RSU1: variants seen among roughly 807,000 people sequenced by gnomAD.
The protein encoded by RSU1 is Ras suppressor protein 1, also known as rsu-1.
Under a neutral mutation model 31.1 loss-of-function variants are expected in RSU1, and 26 were observed. The observed-to-expected ratio is 0.84, with a 90% CI of 0.61 to 1.16. The LOEUF is 1.16. RSU1 is among the 50% of genes most tolerant of loss of function. The pLI is 0.00. For synonymous variants in RSU1, 164 were observed against 136.3 expected (o/e 1.20, Z -1.41); for missense variants, 320 against 339.1 (o/e 0.94, Z 0.44).
intron 4 of RSU1, among the ~76,000 whole-genome samples, chr10:16,763,087 T>C (rs1332577129): frequency 6.6e-6 from 1 of 152,120 alleles, no homozygotes; most frequent in Non-Finnish European, 1.5e-5. Flanking sequence ...ACTAGAGCAT[T>C]TAGTGGCTAC....
intron 5 of RSU1, 150 bp downstream of exon 5, chr10:16,754,721 G>A: frequency 1.7e-6 from 1 of 604,526 alleles, no homozygotes; most frequent in South Asian, 2.0e-5. Context: ...ATACTGCTGA[G>A]CTACGAAGGA....
intron 7 of RSU1, chr10:16,722,981 C>T (rs1467648728): frequency 6.7e-6 from 1 of 148,802 alleles, no homozygotes; most frequent in African/African-American, 2.5e-5. Flanking sequence ...TGTATATATA[C>T]ACACATATAC....
chr10:16,771,068 C>T (rs1203112970), intron 3 of RSU1, among the ~76,000 whole-genome samples: 1 of 150,460 alleles, frequency 6.6e-6, no homozygotes, highest in African/African-American at 2.5e-5. Flanking sequence ...TTTTATAAAG[C>T]ATAGAAGGAC....
chr10:16,699,704 G>T (rs549924734), intron 7 of RSU1, among the ~76,000 whole-genome samples: 1 of 152,194 alleles, frequency 6.6e-6, no homozygotes, highest in Non-Finnish European at 1.5e-5. Context: ...AGAAAGTGGT[G>T]CATCTACAGA....
intron 8 of RSU1, among the ~76,000 whole-genome samples, chr10:16,670,981 G>C (rs1378023740): frequency 1.3e-5 from 2 of 152,094 alleles, no homozygotes; most frequent in Non-Finnish European, 2.9e-5. Flanking sequence ...GGTAAGGCTG[G>C]TCTTGAACTC....
chr10:16,688,436 C>A (rs1835478161), intron 8 of RSU1, among the ~76,000 whole-genome samples: 3 of 151,952 alleles, frequency 2.0e-5, no homozygotes. Flanking sequence ...GAAACCCTGT[C>A]TCTACTAAAA....
At chr10:16,638,327 T>C (rs1834381928) in intron 8 of RSU1, among the ~76,000 whole-genome samples, 1 of 152,090 alleles carries the variant, frequency 6.6e-6, no homozygotes, top group Admixed American at 6.5e-5. Flanking sequence ...TGTAGTACCT[T>C]TTAACATCCT....
intron 2 of RSU1, among the ~76,000 whole-genome samples, chr10:16,783,021 C>G (rs1196441340): frequency 6.6e-6 from 1 of 151,924 alleles, no homozygotes; most frequent in African/African-American, 2.4e-5. Flanking sequence ...AATGATTCTC[C>G]TGCCTCAGCC....
At chr10:16,789,276 T>C (rs530331859) in intron 2 of RSU1, among the ~76,000 whole-genome samples, 1 of 152,354 alleles carries the variant, frequency 6.6e-6, no homozygotes, top group African/African-American at 2.4e-5. Flanking sequence ...ACCACTAGAA[T>C]GTATTTTTCT....
At chr10:16,783,558 G>C (rs962170334) in intron 2 of RSU1, among the ~76,000 whole-genome samples, 1 of 151,608 alleles carries the variant, frequency 6.6e-6, no homozygotes, top group Non-Finnish European at 1.5e-5. Context: ...GTTTCACCAT[G>C]TTAGCCAGGA....
intron 7 of RSU1, among the ~76,000 whole-genome samples, chr10:16,720,700 T>C (rs1284751179): frequency 6.6e-6 from 1 of 152,274 alleles, no homozygotes; most frequent in Non-Finnish European, 1.5e-5. Context: ...TATGTGCATA[T>C]GTGCACAGAC....
At chr10:16,704,946 A>C (rs1204314837) in intron 7 of RSU1, among the ~76,000 whole-genome samples, 1 of 152,098 alleles carries the variant, frequency 6.6e-6, no homozygotes, top group African/African-American at 2.4e-5. Context: ...ATTTTGTGCA[A>C]ACACCACTGT....
intron 4 of RSU1, among the ~76,000 whole-genome samples, chr10:16,759,679 TG>T: frequency 6.6e-6 from 1 of 152,266 alleles, no homozygotes; most frequent in East Asian, 1.9e-4. Flanking sequence ...ATCATCAACA[TG>T]GATAATTGTT....
intron 7 of RSU1, among the ~76,000 whole-genome samples, chr10:16,706,940 C>T (rs937317404): frequency 6.6e-6 from 1 of 152,046 alleles, no homozygotes; most frequent in African/African-American, 2.4e-5. Context: ...TTCAAGGATA[C>T]CAACTCTGTT....
At chr10:16,722,851 C>CACATAT (rs1564332446) in intron 7 of RSU1, among the ~76,000 whole-genome samples, 3 of 97,676 alleles carry the variant, frequency 3.1e-5, no homozygotes, top group African/African-American at 6.3e-5. Flanking sequence ...TATATATACA[C>CACATAT]ACATATATAC....
intron 3 of RSU1, among the ~76,000 whole-genome samples, chr10:16,779,919 G>C (rs1285621673): frequency 6.6e-6 from 1 of 152,148 alleles, no homozygotes; most frequent in East Asian, 1.9e-4. Context: ...ACTCAGGATG[G>C]CTTGAAACAG....
intron 7 of RSU1, among the ~76,000 whole-genome samples, chr10:16,751,944 C>T (rs1270592149): frequency 6.6e-6 from 1 of 152,012 alleles, no homozygotes. Context: ...GAAATAGGAA[C>T]GACCTGGCAG....
chr10:16,722,000 T>C (rs1836273498), intron 7 of RSU1, among the ~76,000 whole-genome samples: 2 of 152,208 alleles, frequency 1.3e-5, no homozygotes, highest in African/African-American at 4.8e-5. Flanking sequence ...TGTACTATCA[T>C]AGTAGTTCTC....
At chr10:16,596,231 T>C (rs1226404178) in intron 8 of RSU1, among the ~76,000 whole-genome samples, 1 of 152,132 alleles carries the variant, frequency 6.6e-6, no homozygotes, top group Non-Finnish European at 1.5e-5. Flanking sequence ...TTACCTTACA[T>C]GACAAAAGGG....
Sources: gnomAD v4.1 joint callset for allele counts (sites outside exome capture counted in the v4.1 genomes callset) on GRCh38, gnomAD v4.1.1 for gene constraint, MANE v1.5 for transcripts, NCBI Gene and HGNC (gene_info 2026-07-23, HGNC 2026-07-21) for gene names.